Variants in TMEM45A observed in about 807,000 individuals in gnomAD.
TMEM45A encodes DNA polymerase-transactivated protein 4.
In TMEM45A, 25 loss-of-function variants were observed where a neutral mutation model predicts 32.0. The ratio of observed to expected loss-of-function variants is 0.78; its 90% CI spans 0.57 to 1.09. The LOEUF (loss-of-function observed/expected upper bound fraction) is 1.09, where lower values mean the gene tolerates loss of function less well. TMEM45A is among the 50% of genes least tolerant of loss of function. TMEM45A has a pLI of 0.00. For synonymous variants in TMEM45A, 122 were observed against 114.8 expected, an observed-to-expected ratio of 1.06 and a Z score of -0.40; for missense variants, 302 against 325.0, an observed-to-expected ratio of 0.93 and a Z score of 0.54.
chr3:100,500,725 C>T (rs747532502), intron 1 of TMEM45A, among the ~76,000 whole-genome samples: 8 of 152,324 alleles, frequency 5.3e-5, no homozygotes, highest in Admixed American at 1.3e-4. Context: ...CAAATGACTC[C>T]TTCCTTCCTG....
At chr3:100,548,217 A>G (rs1706019028) in intron 1 of TMEM45A, among the ~76,000 whole-genome samples, 1 of 152,196 alleles carries the variant, frequency 6.6e-6, no homozygotes, top group Non-Finnish European at 1.5e-5. Flanking sequence ...CCTAATATGA[A>G]TGAACACATC....
chr3:100,536,274 C>T (rs1173171332), intron 1 of TMEM45A, among the ~76,000 whole-genome samples: 4 of 152,112 alleles, frequency 2.6e-5, no homozygotes, highest in African/African-American at 7.2e-5. Flanking sequence ...GCATATGAGT[C>T]ACTTGGGGAT....
At chr3:100,542,185 T>C (rs780308802) in intron 1 of TMEM45A, among the ~76,000 whole-genome samples, 6 of 152,196 alleles carry the variant, frequency 3.9e-5, no homozygotes, top group Non-Finnish European at 8.8e-5. Flanking sequence ...GCTAATTCTG[T>C]AAAAAATGAC....
chr3:100,511,936 T>C (rs1708171054), intron 1 of TMEM45A, among the ~76,000 whole-genome samples: 1 of 152,034 alleles, frequency 6.6e-6, no homozygotes, highest in Admixed American at 6.6e-5. Context: ...ATCCTAAATA[T>C]ATATGCACCC....
At chr3:100,517,470 T>C (rs966369266) in intron 1 of TMEM45A, among the ~76,000 whole-genome samples, 6 of 152,252 alleles carry the variant, frequency 3.9e-5, no homozygotes, top group African/African-American at 1.4e-4. Flanking sequence ...AAGTGTATCA[T>C]CTTTCCTTCA....
chr3:100,530,806 A>G lies in TMEM45A; in HGVS notation c.-3-24403A>G, dbSNP rs573579461. 6.2e-4 allele frequency among the ~76,000 whole-genome samples: 95 copies of G among 152,264 alleles called. 1 individual carries two copies. Among genetic ancestry groups the G allele is most frequent in the African/African-American group, 2.0e-3 (85 of 41,556 alleles). ...AGATATGACTCAGAAGTCTCTTTTG[A>G]TCTGTGGATTTGTTCTTTATCTCTT... On this transcript the variant is annotated intron_variant, in intron 1 of 5. Coordinates refer to ENST00000323523, the MANE Select transcript of TMEM45A (RefSeq NM_018004.3).
chr3:100,563,068 C>G (rs913497105), intron 4 of TMEM45A, among the ~76,000 whole-genome samples: 4 of 152,182 alleles, frequency 2.6e-5, no homozygotes, highest in Non-Finnish European at 1.5e-5. Flanking sequence ...AATCTGAAAT[C>G]AAGGTGTTGG....
intron 5 of TMEM45A, 102 bp from the exon 6 acceptor site, chr3:100,576,823 A>G: frequency 1.1e-6 from 1 of 921,844 alleles, no homozygotes; most frequent in South Asian, 1.5e-5. Flanking sequence ...TGCCTTCCCC[A>G]GTTGCCCAAA....
chr3:100,506,640 A>AT (rs1708084414), intron 1 of TMEM45A, among the ~76,000 whole-genome samples: 1 of 152,092 alleles, frequency 6.6e-6, no homozygotes, highest in African/African-American at 2.4e-5. Flanking sequence ...TTCAGAAAAT[A>AT]TTTTTTCTGT....
rs1707867601 is a variant in TMEM45A at position 100,492,920 on chromosome 3, C to A, written c.-12C>A. On this transcript the variant is annotated 5_prime_UTR_variant, in exon 1 of 6. Transcript: ENST00000323523. ...AAAAATAAAGTGTTGAGTAAACAGA[C>A]CAAGTTGGGTAAGTTTTGGATACGT... The A allele has an allele frequency of 6.6e-6, 1 of 152,036 alleles. No individual in the cohort carries two copies. The highest frequency in any genetic ancestry group is 2.4e-5 in the African/African-American group (1 of 41,378). The allele number at this position is 152,036 out of a possible 1,614,324, so 9.4% of individuals were successfully genotyped here.
intron 5 of TMEM45A, among the ~76,000 whole-genome samples, chr3:100,575,968 G>C (rs540334432): frequency 1.3e-5 from 2 of 152,286 alleles, no homozygotes; most frequent in African/African-American, 4.8e-5. Flanking sequence ...AACTGAGCTT[G>C]GTTTCATCTG....
chr3:100,556,042 T>C (rs1023542457), intron 2 of TMEM45A, among the ~76,000 whole-genome samples: 3 of 152,068 alleles, frequency 2.0e-5, no homozygotes, highest in African/African-American at 4.8e-5. Context: ...TGGAGTGCAG[T>C]GGCATTATCT....
chr3:100,550,170 A>G (rs1321101161), intron 1 of TMEM45A, among the ~76,000 whole-genome samples: 1 of 149,732 alleles, frequency 6.7e-6, no homozygotes, highest in Non-Finnish European at 1.5e-5. Flanking sequence ...CAATGTGCAC[A>G]TGTACCCTAA....
chr3:100,509,642 A>G (rs1385637001), intron 1 of TMEM45A, among the ~76,000 whole-genome samples: 1 of 152,236 alleles, frequency 6.6e-6, no homozygotes, highest in Non-Finnish European at 1.5e-5. Context: ...GAACAGCTCC[A>G]GTCTACAGCT....
chr3:100,550,745 T>C (rs377532929), intron 1 of TMEM45A, among the ~76,000 whole-genome samples: 33 of 152,294 alleles, frequency 2.2e-4, no homozygotes, highest in African/African-American at 7.0e-4. Context: ...CTGCCCAATA[T>C]TATCTCTTAA....
intron 1 of TMEM45A, among the ~76,000 whole-genome samples, chr3:100,551,328 G>A (rs751013248): frequency 1.3e-5 from 2 of 152,094 alleles, no homozygotes; most frequent in Non-Finnish European, 2.9e-5. Context: ...GCTTTTCTTA[G>A]GAGGTTGTAA....
At chr3:100,548,060 T>C (rs531765384) in intron 1 of TMEM45A, among the ~76,000 whole-genome samples, 3 of 152,262 alleles carry the variant, frequency 2.0e-5, no homozygotes, top group East Asian at 1.9e-4. Flanking sequence ...GTGGGAACAA[T>C]AGGCAGAGGT....
At chr3:100,539,514 C>CGTATAT (rs1705822090) in intron 1 of TMEM45A, among the ~76,000 whole-genome samples, 8 of 130,290 alleles carry the variant, frequency 6.1e-5, no homozygotes, top group East Asian at 2.0e-4. Context: ...TATACGTATA[C>CGTATAT]GTATATGTGG....
intron 1 of TMEM45A, chr3:100,519,738 T>A: frequency 2.1e-6 from 2 of 970,090 alleles, no homozygotes; most frequent in East Asian, 5.2e-5. Flanking sequence ...TAACTTATTG[T>A]GGGTTGTGGC....
Sources: gnomAD v4.1 joint callset for allele counts (sites outside exome capture counted in the v4.1 genomes callset) on GRCh38, gnomAD v4.1.1 for gene constraint, MANE v1.5 for transcripts, NCBI Gene and HGNC (gene_info 2026-07-23, HGNC 2026-07-21) for gene names.